GRIN3A: variants seen among roughly 807,000 people sequenced by gnomAD.
GRIN3A encodes glutamate receptor ionotropic, NMDA 3A.
Under a neutral mutation model 92.4 loss-of-function variants are expected in GRIN3A, and 47 were observed. That is an observed-to-expected ratio of 0.51 (90% confidence interval 0.40 to 0.65). The LOEUF is 0.65. GRIN3A is among the 30% of genes least tolerant of loss of function. The probability of loss-of-function intolerance (pLI) is 0.00; values close to 1 mark genes in which losing one functional copy is unlikely to be tolerated. For synonymous variants in GRIN3A, 527 were observed against 540.6 expected (o/e 0.97, Z 0.35); for missense variants, 1,324 against 1,393.1 (o/e 0.95, Z 0.79).
At chr9:101,589,677 G>C (rs1031910240) in intron 6 of GRIN3A, among the ~76,000 whole-genome samples, 3 of 151,624 alleles carry the variant, frequency 2.0e-5, no homozygotes, top group Non-Finnish European at 4.4e-5. Flanking sequence ...CCCTTTTTAT[G>C]TTTTCTTTGT....
Position 101,737,878 on chromosome 9 carries a change from G to T in GRIN3A, c.102C>A (p.His34Gln). Residue 34 changes from histidine (H) to glutamine (Q), a missense_variant, in exon 1 of 9, where the codon CAC becomes CAA. Physicochemically the swap from His to Gln is conservative, Grantham distance 24 (BLOSUM62 0). Transcript: ENST00000361820. ...GCTTGAGGATCTGGCAGGGCTGCGG[G>T]TGCGAGGAGGAGCTGGGCACCCCGG... ...VLAGVPSSSS[H>Q]PQPCQILKRI... 1 of 1,534,204 alleles carries T rather than the reference G, an allele frequency of 6.5e-7. No individual in the cohort carries two copies. Among genetic ancestry groups the T allele is most frequent in the Non-Finnish European group, 8.7e-7 (1 of 1,146,636 alleles).
intron 3 of GRIN3A, among the ~76,000 whole-genome samples, chr9:101,630,952 T>C (rs1828702287): frequency 6.6e-6 from 1 of 152,226 alleles, no homozygotes; most frequent in Non-Finnish European, 1.5e-5. Context: ...CTATCCTGCT[T>C]TATCCATTTA....
rs929327404 is a variant in GRIN3A, at chr9:101,573,059, A to C, written c.*115T>G. ...GGGAGAGCAGACTTGACCTTTAAGA[A>C]GACCTAGACCTCAGCTTCCCCACAC... On this transcript the variant is annotated 3_prime_UTR_variant, in exon 9 of 9. Coordinates refer to ENST00000361820, the MANE Select transcript of GRIN3A (RefSeq NM_133445.3). 4 of 901,240 alleles carry C rather than the reference A, an allele frequency of 4.4e-6. No individual in the cohort carries two copies. Among genetic ancestry groups the C allele is most frequent in the Non-Finnish European group, 7.3e-6 (4 of 545,772 alleles). The allele number at this position is 901,240 out of a possible 1,614,324, so 55.8% of individuals were successfully genotyped here. A position where few individuals can be genotyped will look rare whatever the true frequency, so the allele number is the denominator to read the frequency against.
chr9:101,647,058 T>A (rs994470593), intron 3 of GRIN3A, among the ~76,000 whole-genome samples: 3 of 151,972 alleles, frequency 2.0e-5, no homozygotes, highest in African/African-American at 7.2e-5. Context: ...AAAGTGTGCA[T>A]CCCTATCTTG....
rs75091670 is a variant in GRIN3A, at chr9:101,619,622, G to A, written c.2614+3696C>T. Reference sequence around the variant, plus strand: ...TTAGATAACTTGCCAGTTAATAACAGCAATTTTATCCTAACCCAAGTACTC... The same window carrying A: ...TTAGATAACTTGCCAGTTAATAACAACAATTTTATCCTAACCCAAGTACTC... On this transcript the variant is annotated intron_variant, in intron 5 of 8. Coordinates refer to ENST00000361820, the MANE Select transcript of GRIN3A (RefSeq NM_133445.3). 9.7e-3 allele frequency among the ~76,000 whole-genome samples: 1,474 copies of A among 152,242 alleles called. 27 individuals are homozygous for A. The highest frequency in any genetic ancestry group is 0.031 in the African/African-American group (1,279 of 41,536).
At chr9:101,583,448 T>A (rs1827914548) in intron 6 of GRIN3A, among the ~76,000 whole-genome samples, 1 of 152,236 alleles carries the variant, frequency 6.6e-6, no homozygotes, top group African/African-American at 2.4e-5. Context: ...ATTGTTTAAA[T>A]GTGCTGTGCA....
rs766307630 is a variant in GRIN3A at position 101,670,861 on chromosome 9, C to A, written c.1551G>T (p.Val517=). 16 of 1,613,536 alleles carry A rather than the reference C, an allele frequency of 9.9e-6. No individual in the cohort carries two copies. Among genetic ancestry groups the A allele is most frequent in the Non-Finnish European group, 1.0e-5 (12 of 1,179,642 alleles). Residue 517 remains valine, a synonymous_variant, in exon 3 of 9, where the codon GTG becomes GTT. Coordinates refer to ENST00000361820, the MANE Select transcript of GRIN3A (RefSeq NM_133445.3). The part of the protein sequence containing the change: ...FQHPSKLHLR[V]VTLIEHPFVF... ...CAAAAGGATGCTCAATCAGGGTAAC[C>A]ACTCTCAAGTGTAGCTTACTTGGAT... is the stretch of plus-strand genomic sequence containing the variant.
rs1830224973 is a variant in GRIN3A at position 101,737,474 on chromosome 9, G to A, written c.506C>T (p.Pro169Leu). 6.2e-7 allele frequency: 1 copy of A among 1,614,162 alleles called. No homozygotes were observed. The highest frequency in any genetic ancestry group is 1.7e-5 in the Admixed American group (1 of 60,016). The change falls in exon 1 of 9, where the codon CCT (proline) becomes CTT (leucine). Residue 169 changes from proline to leucine, a missense_variant. Physicochemically the swap from Pro to Leu is moderately conservative, Grantham distance 98. Transcript: ENST00000361820. ...AGGGTCACTGCTCCATGGCGAACTA[G>A]GGGAGGAGAAGGGCAAAAGTGGCAG... ...GDLPLLPFSS[P>L]SSPWSSDPFS...
At chr9:101,690,893 A>C (rs559060150) in intron 1 of GRIN3A, among the ~76,000 whole-genome samples, 36 of 152,262 alleles carry the variant, frequency 2.4e-4, no homozygotes, top group Admixed American at 2.0e-4. Context: ...ATAACAATTA[A>C]ATTTCTCATT....
chr9:101,589,198 C>G (rs1827991709), intron 6 of GRIN3A, among the ~76,000 whole-genome samples: 1 of 152,142 alleles, frequency 6.6e-6, no homozygotes, highest in East Asian at 1.9e-4. Flanking sequence ...GTCTTGAACT[C>G]CTGACCTCAA....
At chr9:101,716,434 G>A (rs1829949064) in intron 1 of GRIN3A, among the ~76,000 whole-genome samples, 2 of 152,126 alleles carry the variant, frequency 1.3e-5, no homozygotes, top group South Asian at 4.1e-4. Flanking sequence ...CAAACACTAT[G>A]AGTAGTTATC....
chr9:101,705,354 C>T (rs1434897354), intron 1 of GRIN3A, among the ~76,000 whole-genome samples: 2 of 152,172 alleles, frequency 1.3e-5, no homozygotes, highest in Admixed American at 6.5e-5. Flanking sequence ...AGCCGACCGC[C>T]AAGAAGAACG....
intron 1 of GRIN3A, among the ~76,000 whole-genome samples, chr9:101,719,458 G>T (rs928489190): frequency 1.3e-5 from 2 of 151,710 alleles, no homozygotes; most frequent in African/African-American, 4.8e-5. Flanking sequence ...GGGTTAGGAG[G>T]CCATTTAAAT....
intron 1 of GRIN3A, among the ~76,000 whole-genome samples, chr9:101,708,018 A>G (rs906425529): frequency 6.6e-6 from 1 of 152,148 alleles, no homozygotes; most frequent in African/African-American, 2.4e-5. Flanking sequence ...CATTGCAAAA[A>G]GGTCTGTGGG....
intron 3 of GRIN3A, among the ~76,000 whole-genome samples, chr9:101,639,733 C>A (rs1828832152): frequency 6.6e-6 from 1 of 152,108 alleles, no homozygotes; most frequent in African/African-American, 2.4e-5. Flanking sequence ...TAAAGCATGT[C>A]CAATCTGGCC....
intron 2 of GRIN3A, among the ~76,000 whole-genome samples, chr9:101,680,319 T>C (rs941654342): frequency 2.0e-5 from 3 of 152,236 alleles, no homozygotes; most frequent in African/African-American, 7.2e-5. Flanking sequence ...GTTTTTTGAA[T>C]GGACATTTGT....
intron 6 of GRIN3A, among the ~76,000 whole-genome samples, chr9:101,610,630 A>G (rs1479991559): frequency 3.0e-5 from 4 of 134,894 alleles, no homozygotes; most frequent in African/African-American, 7.8e-5. Flanking sequence ...TCTATCATCT[A>G]TCTATCTACA....
chr9:101,732,147 A>G (rs902638875), intron 1 of GRIN3A, among the ~76,000 whole-genome samples: 1 of 152,200 alleles, frequency 6.6e-6, no homozygotes, highest in African/African-American at 2.4e-5. Context: ...GGGCAATGGG[A>G]CTCAAAGTAG....
In GRIN3A at chr9:101,573,051, C is replaced by T; in HGVS notation, c.*123G>A. On this transcript the variant is annotated 3_prime_UTR_variant, in exon 9 of 9. Coordinates refer to ENST00000361820, the MANE Select transcript of GRIN3A (RefSeq NM_133445.3). ...TTAGGCGAGGGAGAGCAGACTTGAC[C>T]TTTAAGAAGACCTAGACCTCAGCTT... is the stretch of plus-strand genomic sequence containing the variant. 2.3e-6 allele frequency: 2 copies of T among 854,582 alleles called. No individual in the cohort carries two copies. The highest frequency in any genetic ancestry group is 5.0e-5 in the East Asian group (2 of 39,950). The allele number at this position is 854,582 out of a possible 1,614,324, so 52.9% of individuals were successfully genotyped here.
Sources: gnomAD v4.1 joint callset for allele counts (sites outside exome capture counted in the v4.1 genomes callset) on GRCh38, gnomAD v4.1.1 for gene constraint, MANE v1.5 for transcripts, NCBI Gene and HGNC (gene_info 2026-07-23, HGNC 2026-07-21) for gene names.